The following ANKS1A variants were observed in gnomAD, a reference collection of about 807,000 sequenced individuals.
The protein encoded by ANKS1A is ankyrin repeat and SAM domain-containing protein 1A.
In ANKS1A, 55 loss-of-function variants were observed where a neutral mutation model predicts 120.3. That is an observed-to-expected ratio of 0.46 (90% CI 0.37 to 0.57). The LOEUF (loss-of-function observed/expected upper bound fraction) is 0.57, where lower values mean the gene tolerates loss of function less well. Ranked by LOEUF, ANKS1A falls within the 20% of genes least tolerant of loss-of-function variation. ANKS1A has a pLI of 0.00. For missense variants in ANKS1A, 1,123 were observed against 1,480.3 expected (o/e 0.76, Z 3.96); for synonymous variants, 590 against 604.7 (o/e 0.98, Z 0.36).
At chr6:34,899,654 G>A (rs909970603) in intron 1 of ANKS1A, among the ~76,000 whole-genome samples, 2 of 152,338 alleles carry the variant, frequency 1.3e-5, no homozygotes, top group Admixed American at 1.3e-4. Context: ...AAACAAATCA[G>A]TTCAGAGCTG....
chr6:34,944,126 AAG>A (rs1269470599), intron 1 of ANKS1A, among the ~76,000 whole-genome samples: 9 of 152,076 alleles, frequency 5.9e-5, no homozygotes, highest in Admixed American at 1.3e-4. Flanking sequence ...TACAAAAACA[AAG>A]TTAGCCGGGC....
chr6:34,980,633 C>G (rs1771856654), intron 3 of ANKS1A, among the ~76,000 whole-genome samples: 1 of 152,158 alleles, frequency 6.6e-6, no homozygotes, highest in South Asian at 2.1e-4. Flanking sequence ...CTTTCTTTCC[C>G]AAAAGTAGCA....
chr6:35,078,793 G>C (rs1395501859), intron 14 of ANKS1A, 137 bp downstream of exon 14: 1 of 772,026 alleles, frequency 1.3e-6, no homozygotes. Context: ...CCTCACCCTA[G>C]GAGCTCCGGA....
At chr6:35,041,482 T>C (rs1775454429) in intron 11 of ANKS1A, among the ~76,000 whole-genome samples, 1 of 152,206 alleles carries the variant, frequency 6.6e-6, no homozygotes, top group Non-Finnish European at 1.5e-5. Flanking sequence ...TCTTGATGTC[T>C]TTCCTGAGAA....
At chr6:35,066,861 G>A (rs1199222236) in intron 13 of ANKS1A, among the ~76,000 whole-genome samples, 3 of 152,134 alleles carry the variant, frequency 2.0e-5, no homozygotes, top group Non-Finnish European at 4.4e-5. Flanking sequence ...GTCAATGTGG[G>A]GCTACTTTGG....
At chr6:35,002,650 A>T (rs1773231653) in intron 10 of ANKS1A, among the ~76,000 whole-genome samples, 1 of 152,170 alleles carries the variant, frequency 6.6e-6, no homozygotes, top group Non-Finnish European at 1.5e-5. Context: ...AAACTGTAAT[A>T]GAAGATCAAT....
chr6:35,017,804 T>G lies in ANKS1A; in HGVS notation c.1755T>G (p.Thr585=). 1 of 1,614,148 alleles carries G rather than the reference T, an allele frequency of 6.2e-7. No homozygotes were observed. Among genetic ancestry groups the G allele is most frequent in the Non-Finnish European group, 8.5e-7 (1 of 1,180,018 alleles). ...GCCGCTCGCACCCTGAAACTTTGAC[T>G]CACACAGCATCTCCGCACCCTGGTG... The part of the protein sequence containing the change: ...TNSRSHPETL[T]HTASPHPGGA... Residue 585 remains threonine, a synonymous_variant, in exon 11 of 24, where the codon ACT becomes ACG. Transcript: ENST00000360359.
chr6:34,913,868 G>A (rs1768023507), intron 1 of ANKS1A, among the ~76,000 whole-genome samples: 1 of 152,044 alleles, frequency 6.6e-6, no homozygotes, highest in Admixed American at 6.6e-5. Flanking sequence ...GCCCACCTCA[G>A]CTTCACAAAG....
At chr6:34,922,488 A>G (rs548163924) in intron 1 of ANKS1A, among the ~76,000 whole-genome samples, 4 of 152,074 alleles carry the variant, frequency 2.6e-5, no homozygotes, top group Non-Finnish European at 5.9e-5. Flanking sequence ...CAATGAGCAC[A>G]CCTGGCTTTG....
chr6:35,083,012 G>T, intron 18 of ANKS1A, 143 bp from the exon 19 acceptor site: 1 of 1,261,044 alleles, frequency 7.9e-7, no homozygotes, highest in Non-Finnish European at 1.1e-6. Flanking sequence ...GTTGAATGGA[G>T]GGTCTCTCCA....
At chr6:34,940,890 G>C (rs185122703) in intron 1 of ANKS1A, among the ~76,000 whole-genome samples, 1 of 150,264 alleles carries the variant, frequency 6.7e-6, no homozygotes, top group South Asian at 2.1e-4. Context: ...CCTGGGCAAC[G>C]AGGATGAAAC....
intron 3 of ANKS1A, among the ~76,000 whole-genome samples, chr6:34,980,094 G>T (rs764598431): frequency 6.6e-6 from 1 of 152,224 alleles, no homozygotes; most frequent in Non-Finnish European, 1.5e-5. Flanking sequence ...CTTGCTTTCT[G>T]CCCAGCATTT....
intron 11 of ANKS1A, among the ~76,000 whole-genome samples, chr6:35,049,077 C>T (rs1351055261): frequency 1.3e-5 from 2 of 152,202 alleles, no homozygotes; most frequent in Non-Finnish European, 2.9e-5. Flanking sequence ...AATAAGTTTG[C>T]TTGGCTGTGA....
At chr6:34,995,246 C>T (rs1356097325) in intron 10 of ANKS1A, among the ~76,000 whole-genome samples, 2 of 152,150 alleles carry the variant, frequency 1.3e-5, no homozygotes, top group Non-Finnish European at 2.9e-5. Context: ...TGAGATCTGT[C>T]AGTGGGTAGA....
chr6:35,072,163 T>C (rs998486321), intron 13 of ANKS1A, among the ~76,000 whole-genome samples: 7 of 152,252 alleles, frequency 4.6e-5, no homozygotes, highest in Admixed American at 1.3e-4. Flanking sequence ...CTGAAGATGT[T>C]AGAGCCCCAG....
intron 1 of ANKS1A, among the ~76,000 whole-genome samples, chr6:34,899,552 T>A (rs985896947): frequency 7.2e-5 from 11 of 152,238 alleles, no homozygotes; most frequent in African/African-American, 2.7e-4. Context: ...GAGGTCTTGC[T>A]ATGTTGCCCA....
intron 10 of ANKS1A, among the ~76,000 whole-genome samples, chr6:35,006,219 G>T (rs1443572270): frequency 3.3e-5 from 5 of 150,024 alleles, no homozygotes; most frequent in Non-Finnish European, 5.9e-5. Context: ...CAAGAATTAG[G>T]CGTGATATCA....
chr6:35,030,829 G>A (rs1774871989), intron 11 of ANKS1A, among the ~76,000 whole-genome samples: 1 of 152,262 alleles, frequency 6.6e-6, no homozygotes, highest in East Asian at 1.9e-4. Context: ...TGCCAGGCAG[G>A]CACGCCAGTT....
At chr6:34,927,942 A>G (rs745558840) in intron 1 of ANKS1A, among the ~76,000 whole-genome samples, 5 of 152,180 alleles carry the variant, frequency 3.3e-5, no homozygotes, top group Non-Finnish European at 5.9e-5. Context: ...TGCAGTTTGA[A>G]TCCAGGAGCA....
Sources: allele counts gnomAD v4.1 joint callset (sites outside exome capture counted in the v4.1 genomes callset), GRCh38; gene constraint gnomAD v4.1.1; transcripts MANE v1.5; gene names NCBI Gene and HGNC (gene_info 2026-07-23, HGNC 2026-07-21).